The following AGPAT3 variants were observed in gnomAD, a reference collection of about 807,000 sequenced individuals.
The protein encoded by AGPAT3 is 1-acyl-sn-glycerol-3-phosphate acyltransferase gamma.
Under a neutral mutation model 47.3 loss-of-function variants are expected in AGPAT3, and 5 were observed. That is an observed-to-expected ratio of 0.11 (90% CI 0.06 to 0.22). AGPAT3 has a LOEUF of 0.22. AGPAT3 is among the 10% of genes least tolerant of loss of function. The probability of loss-of-function intolerance (pLI) is 1.00; values close to 1 mark genes in which losing one functional copy is unlikely to be tolerated. For missense variants in AGPAT3, 315 were observed against 493.0 expected (o/e 0.64, Z 3.42); for synonymous variants, 212 against 208.3 (o/e 1.02, Z -0.15).
rs1254506663 is a variant in AGPAT3, at chr21:43,967,934, C to T, written c.179-12C>T. On this transcript the variant is annotated splice_polypyrimidine_tract_variant and intron_variant, in intron 3 of 9. Coordinates refer to ENST00000291572, the MANE Select transcript of AGPAT3 (RefSeq NM_020132.5). ...GGTCCTACCAGTGCCAACGCCCTCC[C>T]CCTGTCCGCAGAACTGGTCATGCTG... The T allele has an allele frequency of 6.2e-7, 1 of 1,612,386 alleles. No homozygotes were observed. The highest frequency in any genetic ancestry group is 8.5e-7 in the Non-Finnish European group (1 of 1,178,832).
chr21:43,884,356 G>C (rs117724982), intron 1 of AGPAT3, among the ~76,000 whole-genome samples: 1 of 151,342 alleles, frequency 6.6e-6, no homozygotes, highest in Non-Finnish European at 1.5e-5. Context: ...ACTGGTTTCC[G>C]ATGGTGGGTG....
chr21:43,978,056 C>G lies in AGPAT3; in HGVS notation c.778C>G (p.Leu260Val). The G allele has an allele frequency of 1.9e-6, 3 of 1,613,116 alleles. No homozygotes were observed. Among genetic ancestry groups the G allele is most frequent in the Admixed American group, 1.7e-5 (1 of 59,950 alleles). The change falls in exon 8 of 10, where the codon CTG becomes GTG. Residue 260 changes from leucine (L) to valine (V), a missense_variant. Coordinates refer to ENST00000291572, the MANE Select transcript of AGPAT3 (RefSeq NM_020132.5). ...EADMCVRRFP[L>V]EDIPLDEKEA... Reference sequence around the variant, plus strand: ...TTCTTCATAAAACAGGAGATTTCCTCTGGAAGACATCCCGCTGGATGAAAA... The same window carrying G: ...TTCTTCATAAAACAGGAGATTTCCTGTGGAAGACATCCCGCTGGATGAAAA...
At chr21:43,898,750 C>T (rs1018751464) in intron 1 of AGPAT3, among the ~76,000 whole-genome samples, 1 of 152,260 alleles carries the variant, frequency 6.6e-6, no homozygotes, top group African/African-American at 2.4e-5. Context: ...TGATCTTGAA[C>T]TCCTGACCTC....
intron 1 of AGPAT3, chr21:43,867,186 C>T (rs1481421185): frequency 6.6e-6 from 1 of 152,296 alleles, no homozygotes; most frequent in African/African-American, 2.4e-5. Flanking sequence ...ACTTTGACCT[C>T]GTAAACAAGT....
At chr21:43,929,962 C>A (rs1490412230) in intron 2 of AGPAT3, among the ~76,000 whole-genome samples, 3 of 152,244 alleles carry the variant, frequency 2.0e-5, no homozygotes, top group African/African-American at 7.2e-5. Context: ...CTGCAGGTGA[C>A]AGACGCGTTC....
At chr21:43,915,614 G>T (rs1326765616) in intron 2 of AGPAT3, among the ~76,000 whole-genome samples, 1 of 151,644 alleles carries the variant, frequency 6.6e-6, no homozygotes, top group African/African-American at 2.4e-5. Context: ...GTTTCTCCAT[G>T]TTGGCCAGGC....
rs373593210 is a variant in AGPAT3 at position 43,983,722 on chromosome 21, C to T, written c.*1330C>T. On this transcript the variant is annotated 3_prime_UTR_variant, in exon 10 of 10. Coordinates refer to ENST00000291572, the MANE Select transcript of AGPAT3 (RefSeq NM_020132.5). ...CCCTGGGGCAATGGCAGTGGTAGAACGCTCAACTTGGTTGCGGTACCATCA... is the reference window on the plus strand; with the variant it reads ...CCCTGGGGCAATGGCAGTGGTAGAATGCTCAACTTGGTTGCGGTACCATCA... 4 of 152,260 alleles carry T rather than the reference C, an allele frequency of 2.6e-5. No individual in the cohort carries two copies. Among genetic ancestry groups the T allele is most frequent in the East Asian group, 3.9e-4 (2 of 5,192 alleles). The allele number at this position is 152,260 out of a possible 1,614,324, so 9.4% of individuals were successfully genotyped here. A position where few individuals can be genotyped will look rare whatever the true frequency, so the allele number is the denominator to read the frequency against.
At position 43,865,257 on chromosome 21, in the gene AGPAT3, C is replaced by G. The variant is rs1348915478; in HGVS notation, c.-200C>G. 6.8e-6 allele frequency: 1 copy of G among 147,108 alleles called. No individual in the cohort carries two copies. The highest frequency in any genetic ancestry group is 1.5e-5 in the Non-Finnish European group (1 of 65,842). 9.1% of individuals were successfully genotyped at this position (147,108 alleles called of 1,614,324 possible). ...GGCCCCGACGCAGGGCCGGGCCGGG[C>G]CCAGGGCCGAGGAGCGCGGCGGCCA... On this transcript the variant is annotated 5_prime_UTR_variant, in exon 1 of 10. Transcript: ENST00000291572.
chr21:43,866,394 G>A (rs796647860), intron 1 of AGPAT3, among the ~76,000 whole-genome samples: 14 of 152,188 alleles, frequency 9.2e-5, no homozygotes, highest in African/African-American at 3.4e-4. Flanking sequence ...GGGAGGTGGG[G>A]CGGGCGGCGG....
At chr21:43,871,917 CCTT>C (rs1191187457) in intron 1 of AGPAT3, among the ~76,000 whole-genome samples, 3 of 152,084 alleles carry the variant, frequency 2.0e-5, no homozygotes, top group African/African-American at 7.2e-5. Context: ...TTTTATCCAT[CCTT>C]CTTTTCTAGG....
intron 2 of AGPAT3, among the ~76,000 whole-genome samples, chr21:43,924,631 C>T (rs1214841952): frequency 6.6e-6 from 1 of 152,254 alleles, no homozygotes; most frequent in East Asian, 1.9e-4. Context: ...CCTCCGACAT[C>T]ATGCTCCGGC....
chr21:43,966,631 G>A (rs9976939), intron 3 of AGPAT3: 8,196 of 152,306 alleles, frequency 0.054, 730 homozygotes, highest in African/African-American at 0.18. Context: ...GTCTGCAGGC[G>A]TCTCTGGCCA....
intron 2 of AGPAT3, among the ~76,000 whole-genome samples, chr21:43,957,483 G>T (rs1043478737): frequency 1.3e-5 from 2 of 150,914 alleles, no homozygotes; most frequent in African/African-American, 4.9e-5. Flanking sequence ...TCCACACGGG[G>T]GGTCTCGGGT....
intron 2 of AGPAT3, among the ~76,000 whole-genome samples, chr21:43,904,762 G>A (rs2086448335): frequency 6.6e-6 from 1 of 152,176 alleles, no homozygotes; most frequent in Non-Finnish European, 1.5e-5. Context: ...TGATGAGGCT[G>A]CAGGTCCCTT....
rs2088787191 is a variant in AGPAT3, at chr21:43,960,677, A to C, written c.178+818A>C. ...CCCAAGCACCTGTCACTGGAGACTA[A>C]TTATGCGGCACCCATACAGGGACCC... On this transcript the variant is annotated intron_variant, in intron 3 of 9. Coordinates refer to ENST00000291572, the MANE Select transcript of AGPAT3 (RefSeq NM_020132.5). 6 of 949,556 alleles carry C rather than the reference A, an allele frequency of 6.3e-6. No homozygotes were observed. In the African/African-American group the frequency reaches 8.8e-5, roughly 14 times the overall value. The allele number at this position is 949,556 out of a possible 1,614,324, so 58.8% of individuals were successfully genotyped here.
chr21:43,897,651 A>C (rs867957003), intron 1 of AGPAT3, among the ~76,000 whole-genome samples: 1,294 of 113,340 alleles, frequency 0.011, 49 homozygotes, highest in African/African-American at 0.039. Flanking sequence ...CGCTCCTCAC[A>C]TCCCAGACGG....
intron 5 of AGPAT3, among the ~76,000 whole-genome samples, chr21:43,969,569 G>A (rs190075158): frequency 2.6e-5 from 4 of 152,220 alleles, no homozygotes; most frequent in South Asian, 2.1e-4. Flanking sequence ...GGCTCTGCCC[G>A]CCCTGCTCAG....
rs2089851816 is a variant in AGPAT3 at position 43,981,534 on chromosome 21, C to T, written c.1042+347C>T. ...TAGGGGTCAGGCTGGGCTGGCCATT[C>T]GGGAGGTTTAAGCAGGACATCATCA... is the stretch of plus-strand genomic sequence containing the variant. On this transcript the variant is annotated intron_variant, in intron 9 of 9. Coordinates refer to ENST00000291572, the MANE Select transcript of AGPAT3 (RefSeq NM_020132.5). The surrounding 1 kb of genome is among the most constrained non-coding windows in gnomAD (Gnocchi z 5.3). 4 of 374,744 alleles carry T rather than the reference C, an allele frequency of 1.1e-5. No individual in the cohort carries two copies. Among genetic ancestry groups the T allele is most frequent in the Middle Eastern group, 8.0e-4 (1 of 1,250 alleles). 23.2% of individuals were successfully genotyped at this position (374,744 alleles called of 1,614,324 possible).
rs1354756720 is a variant in AGPAT3, at chr21:43,970,599, A to G, written c.511-54A>G. The G allele has an allele frequency of 3.1e-6, 5 of 1,593,528 alleles. No homozygotes were observed. In the East Asian group the frequency reaches 1.1e-4, roughly 36 times the overall value. On this transcript the variant is annotated intron_variant, in intron 5 of 9. Coordinates refer to ENST00000291572, the MANE Select transcript of AGPAT3 (RefSeq NM_020132.5). The surrounding 1 kb of genome is among the most constrained non-coding windows in gnomAD (Gnocchi z 5.8). ...TCAGAGAGGCAGGCCTGGCCTGGAC[A>G]TGCACCCACCCCAGCTGCTCTGTGG...
Sources: allele counts gnomAD v4.1 joint callset (sites outside exome capture counted in the v4.1 genomes callset), GRCh38; gene constraint gnomAD v4.1.1; non-coding constraint Gnocchi (gnomAD v3.1); transcripts MANE v1.5; gene names NCBI Gene and HGNC (gene_info 2026-07-23, HGNC 2026-07-21).